VSX2: variants seen among roughly 807,000 people sequenced by gnomAD.
VSX2 encodes the protein ceh-10 homeo domain containing homolog.
VSX2 carries 28 observed loss-of-function variants against 32.1 expected under a neutral mutation model. The observed-to-expected ratio is 0.87, with a 90% CI of 0.65 to 1.20. VSX2 has a LOEUF of 1.20. Ranked by LOEUF, VSX2 falls within the 50% of genes most tolerant of loss-of-function variation. VSX2 has a pLI of 0.00. For missense variants in VSX2, 506 were observed against 488.7 expected (o/e 1.04, Z -0.33); for synonymous variants, 243 against 214.1 (o/e 1.14, Z -1.18).
At chr14:74,240,529 C>T (rs1012023237) in intron 1 of VSX2, among the ~76,000 whole-genome samples, 4 of 152,126 alleles carry the variant, frequency 2.6e-5, no homozygotes, top group Non-Finnish European at 5.9e-5. Flanking sequence ...GCTCGGGGAC[C>T]CTGGGTGACC....
chr14:74,247,614 A>G (rs1354126881), intron 3 of VSX2, among the ~76,000 whole-genome samples: 3 of 152,158 alleles, frequency 2.0e-5, no homozygotes, highest in Non-Finnish European at 4.4e-5. Context: ...CCCCACAGCT[A>G]GTAAGTGGGA....
intron 2 of VSX2, among the ~76,000 whole-genome samples, chr14:74,244,952 GTGTGTGT>G (rs2079179258): frequency 1.8e-5 from 1 of 56,980 alleles, no homozygotes; most frequent in African/African-American, 8.6e-5. Context: ...GAAAGTGTGT[GTGTGTGT>G]GTGTGTGTGT....
At chr14:74,252,918 G>A (rs1168343742) in intron 3 of VSX2, among the ~76,000 whole-genome samples, 13 of 151,702 alleles carry the variant, frequency 8.6e-5, no homozygotes, top group East Asian at 7.8e-4. Context: ...GCATGGTGGC[G>A]GGTGCCTGTA....
intron 2 of VSX2, among the ~76,000 whole-genome samples, chr14:74,244,919 T>TGA (rs1178977213): frequency 6.8e-4 from 28 of 41,178 alleles, no homozygotes; most frequent in Admixed American, 1.4e-3. Flanking sequence ...TGTGTGTGTG[T>TGA]GTGTGTGTGT....
rs1275348563 is a variant in VSX2 at position 74,261,918 on chromosome 14, TG to T, written c.*1001del. 2 of 151,664 alleles carry T rather than the reference TG, an allele frequency of 1.3e-5. No homozygotes were observed. The highest frequency in any genetic ancestry group is 2.9e-5 in the Non-Finnish European group (2 of 68,090). The allele number at this position is 151,664 out of a possible 1,614,324, so 9.4% of individuals were successfully genotyped here. ...CCTGCCTTGAACAACCCAATCTGGC[TG>T]GTAAATGACATCTACGAAGCCACAG... On this transcript the variant is annotated 3_prime_UTR_variant, in exon 5 of 5. Transcript: ENST00000261980.
At chr14:74,258,906 C>T (rs971020257) in intron 3 of VSX2, among the ~76,000 whole-genome samples, 5 of 152,214 alleles carry the variant, frequency 3.3e-5, no homozygotes, top group Non-Finnish European at 2.9e-5. Context: ...TATCTTCATC[C>T]CTGGTCCAGC....
Position 74,241,319 on chromosome 14 carries a change from C to T in VSX2, c.455+53C>T. The T allele has an allele frequency of 3.8e-6, 6 of 1,581,062 alleles. No homozygotes were observed. The Admixed American group carries it at 8.3e-5, about 22-fold the overall frequency. On this transcript the variant is annotated intron_variant, in intron 2 of 4. Transcript: ENST00000261980. Reference sequence around the variant, plus strand: ...CCTGCCCGCGCACCCCGCTGCCGTCCCCCGTTCCGGGATCGGGTCTCTCGG... The same window carrying T: ...CCTGCCCGCGCACCCCGCTGCCGTCTCCCGTTCCGGGATCGGGTCTCTCGG...
chr14:74,250,371 A>T (rs1472738310), intron 3 of VSX2, among the ~76,000 whole-genome samples: 1 of 152,168 alleles, frequency 6.6e-6, no homozygotes, highest in African/African-American at 2.4e-5. Context: ...TTGTTACTAG[A>T]ATTGTGAGGG....
In VSX2 at chr14:74,260,772, T is replaced by A. The variant is rs372651860; in HGVS notation, c.939T>A (p.Ala313=). Reference sequence around the variant, plus strand: ...GCATTGCGGTGCTCCGGGCCAAAGCTCAGGAGCACAGCACCAAAGTGCTGG... The same window carrying A: ...GCATTGCGGTGCTCCGGGCCAAAGCACAGGAGCACAGCACCAAAGTGCTGG... The part of the protein sequence containing the change: ...ENSIAVLRAK[A]QEHSTKVLGT... Residue 313 remains alanine, a synonymous_variant, in exon 5 of 5, where the codon GCT becomes GCA. Transcript: ENST00000261980. 964 of 1,583,762 alleles carry A rather than the reference T, an allele frequency of 6.1e-4. No individual in the cohort carries two copies. The highest frequency in any genetic ancestry group is 6.5e-4 in the Non-Finnish European group (758 of 1,165,158).
chr14:74,259,292 C>G (rs980710994), intron 3 of VSX2, among the ~76,000 whole-genome samples: 4 of 152,150 alleles, frequency 2.6e-5, no homozygotes, highest in Admixed American at 1.3e-4. Context: ...GCAAGAGAGC[C>G]ATCAGTGGCA....
Position 74,239,861 on chromosome 14 carries a change from G to A in VSX2, c.300G>A (p.Pro100=), listed in dbSNP as rs769167146. The A allele has an allele frequency of 6.3e-7, 1 of 1,577,498 alleles. No homozygotes were observed. The highest frequency in any genetic ancestry group is 1.8e-5 in the Admixed American group (1 of 54,490). Residue 100 remains proline, a synonymous_variant, in exon 1 of 5, where the codon CCG becomes CCA. Coordinates refer to ENST00000261980, the MANE Select transcript of VSX2 (RefSeq NM_182894.3). ...CCTTCCTGGAAGTGCTGTCCGACCC[G>A]CAGAGCGTCCACTTGCAGCCATTGG... The part of the protein sequence containing the change: ...QPTFLEVLSD[P]QSVHLQPLGR...
chr14:74,254,442 A>G (rs983134627), intron 3 of VSX2, among the ~76,000 whole-genome samples: 5 of 151,340 alleles, frequency 3.3e-5, no homozygotes, highest in African/African-American at 1.2e-4. Context: ...AAGAAAAAGA[A>G]AAGAAATGTG....
chr14:74,245,487 T>C (rs1249709534), intron 3 of VSX2, among the ~76,000 whole-genome samples, 199 bp downstream of exon 3: 1 of 152,024 alleles, frequency 6.6e-6, no homozygotes, highest in Non-Finnish European at 1.5e-5. Context: ...AGCACCCAGT[T>C]GTGACCTGGC....
intron 3 of VSX2, among the ~76,000 whole-genome samples, chr14:74,253,190 T>A (rs1327964397): frequency 6.6e-6 from 1 of 152,136 alleles, no homozygotes; most frequent in Non-Finnish European, 1.5e-5. Flanking sequence ...CCTGGCACCC[T>A]GACTGAAGTA....
chr14:74,246,223 G>A (rs769573595), intron 3 of VSX2, among the ~76,000 whole-genome samples: 1 of 152,228 alleles, frequency 6.6e-6, no homozygotes, highest in Non-Finnish European at 1.5e-5. Context: ...AGTTCATTGC[G>A]GAGGCTGGGG....
In VSX2 at chr14:74,245,180, C is replaced by T. The variant is rs35435463; in HGVS notation, c.471C>T (p.Ser157=). 766,633 of 1,612,744 alleles carry T rather than the reference C, an allele frequency of 0.48. 194,901 individuals are homozygous for T. Among genetic ancestry groups the T allele is most frequent in the Non-Finnish European group, 0.52 (616,320 of 1,179,428 alleles). The change falls in exon 3 of 5, where the codon TCC becomes TCT. Residue 157 remains serine (S), a synonymous_variant. Transcript: ENST00000261980. ...KKRRHRTIFT[S]YQLEELEKAF... ...CTCCCCTCAGGACAATCTTTACCTCCTACCAGCTAGAGGAGCTGGAGAAGG... is the reference window on the plus strand; with the variant it reads ...CTCCCCTCAGGACAATCTTTACCTCTTACCAGCTAGAGGAGCTGGAGAAGG...
chr14:74,260,840 A>G lies in VSX2; in HGVS notation c.1007A>G (p.Lys336Arg). ...GACAGCCTGGCCCGGAGTACCGAGA[A>G]GCCAGAGGAGGAGGAGGCCATGGAT... ...GPDSLARSTE[K>R]PEEEEAMDED... The change falls in exon 5 of 5, where the codon AAG (lysine) becomes AGG (arginine). Residue 336 changes from lysine (K) to arginine (R), a missense_variant. Coordinates refer to ENST00000261980, the MANE Select transcript of VSX2 (RefSeq NM_182894.3). 1 of 1,566,994 alleles carries G rather than the reference A, an allele frequency of 6.4e-7. No individual in the cohort carries two copies. The highest frequency in any genetic ancestry group is 1.2e-5 in the South Asian group (1 of 85,182).
intron 3 of VSX2, among the ~76,000 whole-genome samples, chr14:74,246,606 T>C (rs1400005145): frequency 1.3e-5 from 2 of 152,214 alleles, no homozygotes; most frequent in African/African-American, 4.8e-5. Context: ...GAATTGTGTG[T>C]GTGCACGTGT....
At chr14:74,252,636 G>A (rs1425187286) in intron 3 of VSX2, among the ~76,000 whole-genome samples, 1 of 151,572 alleles carries the variant, frequency 6.6e-6, no homozygotes, top group Non-Finnish European at 1.5e-5. Context: ...TGATCCACCC[G>A]ACTCGGCCTC....
Sources: allele counts gnomAD v4.1 joint callset (sites outside exome capture counted in the v4.1 genomes callset), GRCh38; gene constraint gnomAD v4.1.1; transcripts MANE v1.5; gene names NCBI Gene and HGNC (gene_info 2026-07-23, HGNC 2026-07-21).